SLC2A7: variants seen among roughly 807,000 people sequenced by gnomAD.
SLC2A7 encodes solute carrier family 2, facilitated glucose transporter member 7.
Under a neutral mutation model 50.5 loss-of-function variants are expected in SLC2A7, and 50 were observed. That is an observed-to-expected ratio of 0.99 (90% CI 0.79 to 1.25). SLC2A7 has a LOEUF of 1.25. Ranked by LOEUF, SLC2A7 falls within the 50% of genes most tolerant of loss-of-function variation. The pLI, the probability that SLC2A7 is intolerant of heterozygous loss-of-function variation, is 0.00. For missense variants in SLC2A7, 683 were observed against 679.1 expected (o/e 1.01, Z -0.06); for synonymous variants, 308 against 300.4 (o/e 1.03, Z -0.26).
At chr1:9,002,239 G>A (rs563328213), downstream of SLC2A7, among the ~76,000 whole-genome samples, 22 of 152,236 alleles carry the variant, frequency 1.4e-4, no homozygotes, top group East Asian at 1.5e-3. Context: ...CCCGACACCC[G>A]TAAAGGGTCT....
At chr1:9,004,707 C>T in intron 11 of SLC2A7, 45 bp downstream of exon 11, 1 of 1,610,480 alleles carries the variant, frequency 6.2e-7, no homozygotes, top group Non-Finnish European at 8.5e-7. Flanking sequence ...CATCTTACTC[C>T]CTGGAGGCCC....
chr1:9,002,302 G>A (rs1383149240), downstream of SLC2A7, among the ~76,000 whole-genome samples: 1 of 152,134 alleles, frequency 6.6e-6, no homozygotes, highest in Non-Finnish European at 1.5e-5. Context: ...TGAGGTAAGA[G>A]GAAGGCATCT....
chr1:9,006,299 A>G (rs964831607), intron 10 of SLC2A7, among the ~76,000 whole-genome samples: 1 of 152,210 alleles, frequency 6.6e-6, no homozygotes, highest in Non-Finnish European at 1.5e-5. Flanking sequence ...TCTCTTGCCC[A>G]GCCTGGAGTG....
intron 1 of SLC2A7, 68 bp downstream of exon 1, chr1:9,026,227 C>T: frequency 1.3e-6 from 2 of 1,533,074 alleles, no homozygotes; most frequent in Non-Finnish European, 1.8e-6. Context: ...ACGGCCTTCA[C>T]CTCCCTCCAC....
chr1:9,015,903 T>TG (rs1640823718), intron 5 of SLC2A7, among the ~76,000 whole-genome samples: 1 of 144,582 alleles, frequency 6.9e-6, no homozygotes, highest in African/African-American at 2.6e-5. Context: ...TTTTTTTTTT[T>TG]AATTTTTAGT....
rs753573437 is a variant in SLC2A7, at chr1:9,026,331, C to T, written c.15G>A (p.Glu5=). The T allele has an allele frequency of 2.3e-5, 37 of 1,608,658 alleles. No homozygotes were observed. In the East Asian group the frequency reaches 7.8e-4, roughly 34 times the overall value. ...ATGGAATGGGTGGAGGGGTTCCCGC[C>T]TCTTTGTTCTCCATCCTTGTTCAGG... The part of the protein sequence containing the change: MENK[E]AGTPPPIPSR... The change falls in exon 1 of 12, where the codon GAG becomes GAA. Residue 5 remains glutamate, a synonymous_variant. Coordinates refer to ENST00000400906, the MANE Select transcript of SLC2A7 (RefSeq NM_207420.3).
In SLC2A7 at chr1:9,022,989, G is replaced by A. The variant is rs771221367; in HGVS notation, c.240C>T (p.Thr80=). 27 of 1,614,036 alleles carry A rather than the reference G, an allele frequency of 1.7e-5. No individual in the cohort carries two copies. The highest frequency in any genetic ancestry group is 1.6e-4 in the South Asian group (15 of 91,076). The change falls in exon 3 of 12, where the codon ACC becomes ACT. Residue 80 remains threonine, a synonymous_variant. Coordinates refer to ENST00000400906, the MANE Select transcript of SLC2A7 (RefSeq NM_207420.3). The part of the protein sequence containing the change: ...GKLMLLLWSC[T]VSMFPLGGLL... ...GGCCGCCCAGAGGAAACATGGAGAC[G>A]GTGCAAGACCATAGAAGCAGCATGA...
the SLC2A7 span, among the ~76,000 whole-genome samples, chr1:8,996,599 A>C: frequency 6.6e-6 from 1 of 152,200 alleles, no homozygotes; most frequent in Admixed American, 6.6e-5. Context: ...CAGGCTGGCA[A>C]GCTGCTTTTG....
intron 7 of SLC2A7, 62 bp from the exon 8 acceptor site, chr1:9,013,697 C>T: frequency 1.4e-6 from 2 of 1,423,894 alleles, no homozygotes; most frequent in African/African-American, 1.4e-5. Context: ...GCTTAACTTT[C>T]TCAACTCAAG....
At chr1:9,017,950 C>T (rs1428330607) in intron 5 of SLC2A7, among the ~76,000 whole-genome samples, 1 of 152,130 alleles carries the variant, frequency 6.6e-6, no homozygotes, top group Non-Finnish European at 1.5e-5. Context: ...AAAGAAACCT[C>T]TTCTCTCGAC....
chr1:8,994,212 C>T, the SLC2A7 span, among the ~76,000 whole-genome samples: 1 of 152,214 alleles, frequency 6.6e-6, no homozygotes, highest in African/African-American at 2.4e-5. Flanking sequence ...TGCCACCAGG[C>T]CTCATCCTGA....
chr1:8,997,338 AAC>A, the SLC2A7 span, among the ~76,000 whole-genome samples: 1 of 151,994 alleles, frequency 6.6e-6, no homozygotes, highest in Non-Finnish European at 1.5e-5. Context: ...AAACAAACAA[AAC>A]ACAATCTTTT....
At chr1:9,009,770 T>A (rs374590196) in intron 9 of SLC2A7, among the ~76,000 whole-genome samples, 1 of 152,234 alleles carries the variant, frequency 6.6e-6, no homozygotes, top group Non-Finnish European at 1.5e-5. Flanking sequence ...CTTCTACCTC[T>A]CGAATGGGGT....
Position 9,024,972 on chromosome 1 carries a change from C to T in SLC2A7, c.150+4G>A. The T allele has an allele frequency of 6.2e-7, 1 of 1,613,678 alleles. No individual in the cohort carries two copies. Among genetic ancestry groups the T allele is most frequent in the Admixed American group, 1.7e-5 (1 of 59,954 alleles). ...GGCCCACCTTGTGCCCACCTTGTGC[C>T]CACCTTGTGCGGCGTGTTGACCACA... On this transcript the variant is annotated splice_donor_region_variant and intron_variant, in intron 2 of 11. Coordinates refer to ENST00000400906, the MANE Select transcript of SLC2A7 (RefSeq NM_207420.3).
Position 9,015,571 on chromosome 1 carries a change from G to C in SLC2A7, c.590-329C>G, listed in dbSNP as rs1640817836. ...AGGGGATAATCTCTGCCTCATTAGG[G>C]CCATGGTAGGGCAGGGCCTGGACCC... is the stretch of plus-strand genomic sequence containing the variant. On this transcript the variant is annotated intron_variant, in intron 5 of 11. Coordinates refer to ENST00000400906, the MANE Select transcript of SLC2A7 (RefSeq NM_207420.3). Among the ~76,000 whole-genome samples the C allele has an allele frequency of 2.0e-5, 3 of 152,040 alleles. No homozygotes were observed. The South Asian group carries it at 6.2e-4, about 32-fold the overall frequency.
downstream of SLC2A7, among the ~76,000 whole-genome samples, chr1:9,001,991 C>T (rs1640581587): frequency 6.6e-6 from 1 of 152,208 alleles, no homozygotes; most frequent in African/African-American, 2.4e-5. Context: ...TGTGTTGACT[C>T]AAGGTTTAAT....
downstream of SLC2A7, among the ~76,000 whole-genome samples, chr1:9,001,005 C>T (rs1010312101): frequency 1.3e-5 from 2 of 152,066 alleles, no homozygotes; most frequent in East Asian, 1.9e-4. Context: ...GAATTCCTGA[C>T]CCACAGGAAC....
At chr1:8,993,204 C>T in the SLC2A7 span, among the ~76,000 whole-genome samples, 2 of 152,214 alleles carry the variant, frequency 1.3e-5, no homozygotes, top group Non-Finnish European at 2.9e-5. Flanking sequence ...CTTTTGAAAA[C>T]CATCAGGTCT....
rs534993783 is a variant in SLC2A7 at position 9,017,754 on chromosome 1, G to A, written c.589+469C>T. On this transcript the variant is annotated intron_variant, in intron 5 of 11. Transcript: ENST00000400906. ...CTCCTCTCTCCTAAATCTCCACCAC[G>A]ACCCCCACTCGCTCTCAGGCAATGG... Among the ~76,000 whole-genome samples the A allele has an allele frequency of 5.7e-4, 87 of 152,130 alleles. 1 individual carries two copies. The highest frequency in any genetic ancestry group is 1.9e-3 in the African/African-American group (80 of 41,496).
Sources: allele counts gnomAD v4.1 joint callset (sites outside exome capture counted in the v4.1 genomes callset), GRCh38; gene constraint gnomAD v4.1.1; transcripts MANE v1.5; gene names NCBI Gene and HGNC (gene_info 2026-07-23, HGNC 2026-07-21).